Variants in PEBP4 observed in about 807,000 individuals in gnomAD.
PEBP4 encodes the protein phosphatidylethanolamine-binding protein 4.
In PEBP4, 22 loss-of-function variants were observed where a neutral mutation model predicts 23.9. The observed-to-expected ratio is 0.92, with a 90% CI of 0.66 to 1.31. PEBP4 has a LOEUF of 1.31. Among genes scored for constraint, PEBP4 ranks in the 40% most tolerant of loss-of-function variants. The probability of loss-of-function intolerance (pLI) is 0.00; values close to 1 mark genes in which losing one functional copy is unlikely to be tolerated. For synonymous variants in PEBP4, 112 were observed against 99.3 expected, an observed-to-expected ratio of 1.13 and a Z score of -0.76; for missense variants, 324 against 281.7, an observed-to-expected ratio of 1.15 and a Z score of -1.07.
At chr8:22,771,527 A>G (rs1000781502) in intron 4 of PEBP4, among the ~76,000 whole-genome samples, 1 of 152,206 alleles carries the variant, frequency 6.6e-6, no homozygotes, top group Non-Finnish European at 1.5e-5. Flanking sequence ...AGATTATAAC[A>G]AAACCATATG....
At chr8:22,837,502 C>A (rs1411367825) in intron 3 of PEBP4, among the ~76,000 whole-genome samples, 1 of 152,232 alleles carries the variant, frequency 6.6e-6, no homozygotes, top group African/African-American at 2.4e-5. Flanking sequence ...TCGCTACAGA[C>A]TTAGGCCCTA....
At chr8:22,837,880 T>C (rs1427122643) in intron 3 of PEBP4, among the ~76,000 whole-genome samples, 1 of 149,840 alleles carries the variant, frequency 6.7e-6, no homozygotes, top group South Asian at 2.1e-4. Flanking sequence ...TCTTATTAGA[T>C]TATTATATTC....
At chr8:22,745,118 C>A (rs1225098975) in intron 4 of PEBP4, among the ~76,000 whole-genome samples, 4 of 152,220 alleles carry the variant, frequency 2.6e-5, no homozygotes, top group Admixed American at 2.6e-4. Context: ...TGGAATTTCT[C>A]TGGAGACTTC....
intron 3 of PEBP4, among the ~76,000 whole-genome samples, chr8:22,838,147 C>T (rs1404449145): frequency 6.6e-6 from 1 of 152,094 alleles, no homozygotes; most frequent in African/African-American, 2.4e-5. Context: ...GCGATCCTCT[C>T]ACCTTGGCCT....
chr8:22,869,951 C>T (rs1456440757), intron 3 of PEBP4, among the ~76,000 whole-genome samples: 1 of 152,190 alleles, frequency 6.6e-6, no homozygotes, highest in Non-Finnish European at 1.5e-5. Flanking sequence ...TCATTCATTG[C>T]TGGTGGGAAT....
At chr8:22,751,061 T>C (rs973617453) in intron 4 of PEBP4, among the ~76,000 whole-genome samples, 5 of 152,166 alleles carry the variant, frequency 3.3e-5, no homozygotes, top group Non-Finnish European at 7.3e-5. Context: ...GGCAGAAGCA[T>C]GCTCTCGGCT....
intron 4 of PEBP4, among the ~76,000 whole-genome samples, chr8:22,785,003 C>T (rs748621777): frequency 7.2e-5 from 11 of 152,272 alleles, no homozygotes; most frequent in East Asian, 3.9e-4. Context: ...CACGTGTGCA[C>T]GGTTTGCGCA....
intron 3 of PEBP4, among the ~76,000 whole-genome samples, chr8:22,866,094 C>T (rs1019063070): frequency 2.0e-5 from 3 of 152,250 alleles, no homozygotes; most frequent in African/African-American, 7.2e-5. Flanking sequence ...AATAACTTCA[C>T]TTGCCAAATT....
chr8:22,927,689 G>A lies in PEBP4; in HGVS notation c.26C>T (p.Thr9Ile), dbSNP rs772048457. 15 of 1,613,830 alleles carry A rather than the reference G, an allele frequency of 9.3e-6. No homozygotes were observed. In the African/African-American group the frequency reaches 1.9e-4, roughly 20 times the overall value. ...CATGAGACCCAGTAACAGTGCTGCT[G>A]TGACCAGCCTCATTGTCCAACCCAT... MGWTMRLV[T>I]AALLLGLMMV... The change falls in exon 2 of 7, where the codon ACA becomes ATA. Residue 9 changes from threonine to isoleucine, a missense_variant. By Grantham distance (89) the Thr-to-Ile change is moderately conservative (BLOSUM62 -1). Transcript: ENST00000256404.
At chr8:22,889,670 TAAA>T (rs1808452842) in intron 3 of PEBP4, among the ~76,000 whole-genome samples, 1 of 8,162 alleles carries the variant, frequency 1.2e-4, no homozygotes, top group Non-Finnish European at 7.6e-4. Flanking sequence ...TATGTTTTTA[TAAA>T]GTGCAGAAAT....
intron 3 of PEBP4, among the ~76,000 whole-genome samples, chr8:22,849,048 C>T (rs971645372): frequency 1.3e-5 from 2 of 152,128 alleles, no homozygotes; most frequent in African/African-American, 4.8e-5. Context: ...AGCCTCTGTC[C>T]CCTTGAGATC....
At chr8:22,860,209 C>CATATATGTATATATATATACAT (rs1807747087) in intron 3 of PEBP4, among the ~76,000 whole-genome samples, 1 of 106,204 alleles carries the variant, frequency 9.4e-6, no homozygotes, top group South Asian at 2.5e-4. Flanking sequence ...TATATATACA[C>CATATATGTATATATATATACAT]ATATATGTAT....
chr8:22,928,988 C>T (rs1304446664), upstream of PEBP4, among the ~76,000 whole-genome samples: 1 of 152,178 alleles, frequency 6.6e-6, no homozygotes, highest in Non-Finnish European at 1.5e-5. Flanking sequence ...ATTTCTCAAT[C>T]ATTAGGTTCT....
At position 22,713,324 on chromosome 8, in the gene PEBP4, G is replaced by A. The variant is rs758860034; in HGVS notation, c.*46C>T. 7.9e-6 allele frequency: 12 copies of A among 1,523,302 alleles called. No individual in the cohort carries two copies. The highest frequency in any genetic ancestry group is 2.6e-5 in the South Asian group (2 of 76,908). 94.4% of individuals were successfully genotyped at this position (1,523,302 alleles called of 1,614,324 possible). A position where few individuals can be genotyped will look rare whatever the true frequency, so the allele number is the denominator to read the frequency against. ...GAGGGGGTTCCATACCCACATCGTC[G>A]GTGGTGGGCAGTGTGGCCACATGCC... On this transcript the variant is annotated 3_prime_UTR_variant, in exon 7 of 7. Transcript: ENST00000256404.
At position 22,734,842 on chromosome 8, in the gene PEBP4, A is replaced by G. The variant is rs1804823616; in HGVS notation, c.358-7622T>C. Among the ~76,000 whole-genome samples the G allele has an allele frequency of 3.3e-5, 5 of 152,250 alleles. 1 individual carries two copies. The South Asian group carries it at 1.0e-3, about 32-fold the overall frequency. On this transcript the variant is annotated intron_variant, in intron 4 of 6. Transcript: ENST00000256404. ...ATCAATGTGCGGTTGTGGGAGAATG[A>G]TTTGCTTCTAGGAGTAAGGAGTTTA... is the stretch of plus-strand genomic sequence containing the variant.
At chr8:22,780,411 A>G (rs917656578) in intron 4 of PEBP4, among the ~76,000 whole-genome samples, 15 of 152,180 alleles carry the variant, frequency 9.9e-5, no homozygotes, top group Admixed American at 5.2e-4. Context: ...CTTGAGGTTC[A>G]TTTGTCCAGG....
At chr8:22,810,423 T>G (rs898023717) in intron 4 of PEBP4, among the ~76,000 whole-genome samples, 1 of 151,642 alleles carries the variant, frequency 6.6e-6, no homozygotes, top group African/African-American at 2.4e-5. Flanking sequence ...CCCTCTCCCC[T>G]CCCCCACCGC....
chr8:22,789,550 C>A (rs1806095833), intron 4 of PEBP4, among the ~76,000 whole-genome samples: 1 of 152,166 alleles, frequency 6.6e-6, no homozygotes, highest in Admixed American at 6.5e-5. Flanking sequence ...CCCTTCCTCC[C>A]AGCCTCTGAA....
chr8:22,930,497 A>G (rs1043890949), upstream of PEBP4, among the ~76,000 whole-genome samples: 1 of 152,096 alleles, frequency 6.6e-6, no homozygotes, highest in African/African-American at 2.4e-5. Flanking sequence ...AGCATCTTAC[A>G]TGGAGTATAT....
Sources: gnomAD v4.1 joint callset for allele counts (sites outside exome capture counted in the v4.1 genomes callset) on GRCh38, gnomAD v4.1.1 for gene constraint, MANE v1.5 for transcripts, NCBI Gene and HGNC (gene_info 2026-07-23, HGNC 2026-07-21) for gene names.